Variants in WT1 observed in about 807,000 individuals in gnomAD.
WT1 encodes WT1 transcription factor, also known as Wilms tumor protein.
In WT1, 8 loss-of-function variants were observed where a neutral mutation model predicts 60.8. The ratio of observed to expected loss-of-function variants is 0.13; its 90% CI spans 0.08 to 0.24. The LOEUF is 0.24. Among genes scored for constraint, WT1 ranks in the 10% least tolerant of loss-of-function variants. The probability of loss-of-function intolerance (pLI) is 1.00; values close to 1 mark genes in which losing one functional copy is unlikely to be tolerated. For synonymous variants in WT1, 312 were observed against 297.1 expected (o/e 1.05, Z -0.52); for missense variants, 568 against 711.8 (o/e 0.80, Z 2.30).
At chr11:32,428,350 T>C (rs1590395268) in intron 2 of WT1, 147 bp downstream of exon 2, 2 of 1,412,702 alleles carry the variant, frequency 1.4e-6, no homozygotes, top group East Asian at 5.0e-5. Context: ...TCTTGTCCTT[T>C]AAATACAGTG....
At chr11:32,423,666 T>G (rs1395383864) in intron 3 of WT1, among the ~76,000 whole-genome samples, 2 of 152,144 alleles carry the variant, frequency 1.3e-5, no homozygotes, top group African/African-American at 4.8e-5. Context: ...GAACACCACT[T>G]CCGTCCCTTA....
chr11:32,400,478 C>T (rs1473885703), intron 5 of WT1: 6 of 325,296 alleles, frequency 1.8e-5, no homozygotes, highest in South Asian at 1.1e-4. Flanking sequence ...CCAGATAGCA[C>T]CAAAAAAGTG....
chr11:32,414,725 T>C (rs969016677), intron 5 of WT1, among the ~76,000 whole-genome samples: 6 of 152,016 alleles, frequency 3.9e-5, no homozygotes, highest in Admixed American at 3.9e-4. Flanking sequence ...ATACAAAAAT[T>C]AACCAGGTAT....
At chr11:32,423,339 G>T (rs1402350923) in intron 3 of WT1, among the ~76,000 whole-genome samples, 1 of 152,222 alleles carries the variant, frequency 6.6e-6, no homozygotes, top group East Asian at 1.9e-4. Flanking sequence ...CAGTGGTAAA[G>T]ACAAAACTGG....
At chr11:32,415,937 G>A (rs536070868) in intron 5 of WT1, among the ~76,000 whole-genome samples, 2 of 152,288 alleles carry the variant, frequency 1.3e-5, no homozygotes, top group South Asian at 4.2e-4. Context: ...GCGGCTGGTT[G>A]TGGAGTTAAA....
At chr11:32,428,309 C>A (rs982222644) in intron 2 of WT1, among the ~76,000 whole-genome samples, 188 bp downstream of exon 2, 1 of 152,246 alleles carries the variant, frequency 6.6e-6, no homozygotes, top group African/African-American at 2.4e-5. Flanking sequence ...TGGCGATGTC[C>A]CTAACGTACT....
chr11:32,397,493 T>TG (rs892798604), intron 6 of WT1, among the ~76,000 whole-genome samples: 4 of 151,616 alleles, frequency 2.6e-5, no homozygotes, highest in African/African-American at 9.7e-5. Context: ...TTTTTTTTTT[T>TG]TTTTTTGGTA....
chr11:32,434,521 T>C (rs1467253423), intron 1 of WT1, among the ~76,000 whole-genome samples, 179 bp downstream of exon 1: 1 of 152,200 alleles, frequency 6.6e-6, no homozygotes, highest in Non-Finnish European at 1.5e-5. Flanking sequence ...GGCCAGTGCC[T>C]GCGTGCACTC....
At chr11:32,430,862 C>T (rs917477901) in intron 1 of WT1, 13 of 1,224,358 alleles carry the variant, frequency 1.1e-5, no homozygotes, top group South Asian at 3.2e-5. Flanking sequence ...TTATCGGACA[C>T]GGGTTTGATT....
intron 5 of WT1, among the ~76,000 whole-genome samples, chr11:32,401,714 A>T (rs1358105685): frequency 6.6e-6 from 1 of 151,912 alleles, no homozygotes; most frequent in Non-Finnish European, 1.5e-5. Context: ...TCATTTTTGT[A>T]CTTTTAGTAG....
Position 32,399,965 on chromosome 11 carries a change from C to T in WT1, c.1096G>A (p.Val366Ile), listed in dbSNP as rs1168699891. ...GTGCTCACCTGAATGCCTCTGAAGA[C>T]ACCGTGCGTGTGTATTCTGTATTGG... The change falls in exon 6 of 10, where the codon GTC (valine) becomes ATC (isoleucine). Residue 366 changes from valine to isoleucine, a missense_variant. This residue lies in a region of WT1 where 523 missense variants were observed against 565.1 expected (regional missense o/e 0.93). Transcript: ENST00000452863. 1 of 1,614,210 alleles carries T rather than the reference C, an allele frequency of 6.2e-7. No individual in the cohort carries two copies. Among genetic ancestry groups the T allele is most frequent in the South Asian group, 1.1e-5 (1 of 91,070 alleles).
In WT1 at chr11:32,408,203, C is replaced by T. The variant is rs114403013; in HGVS notation, c.1017-8159G>A. On this transcript the variant is annotated intron_variant, in intron 5 of 9. Coordinates refer to ENST00000452863, the MANE Select transcript of WT1 (RefSeq NM_024426.6). ...GCATCAGCCTGGCTACAGAGTGAAA[C>T]TCCATCTCAGAAAAAAAAAAAAAAA... 6.6e-3 allele frequency among the ~76,000 whole-genome samples: 902 copies of T among 136,750 alleles called. 8 individuals are homozygous for T. Among genetic ancestry groups the T allele is most frequent in the African/African-American group, 0.024 (853 of 35,778 alleles). 89.7% of individuals were successfully genotyped at this position (136,750 alleles called of 152,430 possible). A position where few individuals can be genotyped will look rare whatever the true frequency, so the allele number is the denominator to read the frequency against.
chr11:32,430,487 A>AGAGAGAGAGAGAGG lies in WT1; in HGVS notation c.662-1869_662-1868insCCTCTCTCTCTCTC, dbSNP rs753290941. On this transcript the variant is annotated intron_variant, in intron 1 of 9. Transcript: ENST00000452863. ...GAGAGAGAGAGAGAGAGAGAGAGAGAGAGACGAAATAGAAGCTACGAAGAA... is the reference window on the plus strand; with the variant it reads ...GAGAGAGAGAGAGAGAGAGAGAGAGAGAGAGAGAGAGAGGGAGACGAAATAGAAGCTACGAAGAA... 11 of 1,591,018 alleles carry AGAGAGAGAGAGAGG rather than the reference A, an allele frequency of 6.9e-6. No homozygotes were observed. The African/African-American group carries it at 9.7e-5, about 14-fold the overall frequency.
intron 5 of WT1, among the ~76,000 whole-genome samples, chr11:32,408,161 T>C (rs148147885): frequency 0.01 from 1,481 of 146,594 alleles, 25 homozygotes; most frequent in African/African-American, 0.035. Context: ...AGTCGGAAGT[T>C]GCAGTGAGCC....
At chr11:32,409,366 GA>G (rs1470393462) in intron 5 of WT1, among the ~76,000 whole-genome samples, 1 of 151,858 alleles carries the variant, frequency 6.6e-6, no homozygotes, top group East Asian at 1.9e-4. Context: ...ATATCTGACA[GA>G]AAAAAACCAT....
intron 9 of WT1, among the ~76,000 whole-genome samples, chr11:32,389,469 T>C (rs952882947): frequency 7.9e-5 from 12 of 152,330 alleles, no homozygotes; most frequent in Middle Eastern, 3.4e-3. Context: ...AATTCATAAT[T>C]AAGGGGAAAA....
chr11:32,423,926 G>C (rs1385523442), intron 3 of WT1, among the ~76,000 whole-genome samples: 1 of 152,166 alleles, frequency 6.6e-6, no homozygotes, highest in Admixed American at 6.5e-5. Context: ...ACTTTGGGAG[G>C]CCCAGGCGGG....
In WT1 at chr11:32,392,041, T is replaced by A. The variant is rs751932589; in HGVS notation, c.1378A>T (p.Thr460Ser). ...GACCGGGAGAACTTTCGCTGACAAGTTTTACACTGGAATGGTTTCACACCT... is the reference window on the plus strand; with the variant it reads ...GACCGGGAGAACTTTCGCTGACAAGATTTACACTGGAATGGTTTCACACCT... The change falls in exon 9 of 10, where the codon ACT becomes TCT. Residue 460 changes from threonine (T) to serine (S), a missense_variant. Coordinates refer to ENST00000452863, the MANE Select transcript of WT1 (RefSeq NM_024426.6). The A allele has an allele frequency of 6.2e-7, 1 of 1,614,016 alleles. No individual in the cohort carries two copies. Among genetic ancestry groups the A allele is most frequent in the South Asian group, 1.1e-5 (1 of 91,066 alleles).
rs1042347 is a variant in WT1, at chr11:32,388,238, C to G, written c.*820G>C. 0.022 allele frequency: 5,078 copies of G among 233,648 alleles called. 245 individuals carry two copies. The highest frequency in any genetic ancestry group is 0.1 in the African/African-American group (4,629 of 45,408). 14.5% of individuals were successfully genotyped at this position (233,648 alleles called of 1,614,324 possible). ...GCATGGTTTTTATACACTAAGGACA[C>G]TCCCAGTGATGAAAATGAATTCCCC... On this transcript the variant is annotated 3_prime_UTR_variant, in exon 10 of 10. Coordinates refer to ENST00000452863, the MANE Select transcript of WT1 (RefSeq NM_024426.6).
Sources: gnomAD v4.1 joint callset for allele counts (sites outside exome capture counted in the v4.1 genomes callset) on GRCh38, gnomAD v4.1.1 for gene constraint, gnomAD v4.1.1 regional missense constraint, MANE v1.5 for transcripts, NCBI Gene and HGNC (gene_info 2026-07-23, HGNC 2026-07-21) for gene names.